The following MTA3 variants were observed in gnomAD, a reference collection of about 807,000 sequenced individuals.
MTA3 encodes the protein metastasis-associated protein MTA3.
A neutral mutation model predicts 83.5 loss-of-function variants in MTA3; 34 were observed. The observed-to-expected ratio is 0.41, with a 90% CI of 0.31 to 0.54. The LOEUF (loss-of-function observed/expected upper bound fraction) is 0.54. MTA3 is among the 20% of genes least tolerant of loss of function. The pLI, the probability that MTA3 is intolerant of heterozygous loss-of-function variation, is 0.33. For missense variants in MTA3, 761 were observed against 726.4 expected, an observed-to-expected ratio of 1.05 and a Z score of -0.55; for synonymous variants, 303 against 252.7, an observed-to-expected ratio of 1.20 and a Z score of -1.89.
At chr2:42,497,994 T>C (rs1674222678) in intron 2 of MTA3, among the ~76,000 whole-genome samples, 1 of 152,226 alleles carries the variant, frequency 6.6e-6, no homozygotes, top group Non-Finnish European at 1.5e-5. Context: ...GACTCTGGCT[T>C]GAACACAGAT....
At chr2:42,738,782 C>G (rs779317139) in intron 16 of MTA3, among the ~76,000 whole-genome samples, 1 of 152,172 alleles carries the variant, frequency 6.6e-6, no homozygotes, top group Non-Finnish European at 1.5e-5. Flanking sequence ...AGGGGTAGCT[C>G]TCTGAACTGG....
chr2:42,614,948 G>T (rs1448322333), intron 4 of MTA3, among the ~76,000 whole-genome samples: 1 of 149,556 alleles, frequency 6.7e-6, no homozygotes, highest in African/African-American at 2.5e-5. Context: ...CTGTACTTTA[G>T]CCTGGGTGAC....
intron 2 of MTA3, among the ~76,000 whole-genome samples, chr2:42,501,051 C>T (rs1188337093): frequency 1.3e-5 from 2 of 152,092 alleles, no homozygotes; most frequent in Non-Finnish European, 2.9e-5. Context: ...ACCTCATGAC[C>T]TGCCCACCTC....
intron 8 of MTA3, among the ~76,000 whole-genome samples, chr2:42,674,683 A>G (rs10187451): frequency 6.8e-6 from 1 of 147,640 alleles, no homozygotes. Flanking sequence ...ACTGCAACTG[A>G]CACTTCCTGA....
chr2:42,611,341 C>CACACACACCCA (rs1462110821), intron 4 of MTA3, among the ~76,000 whole-genome samples: 1 of 149,514 alleles, frequency 6.7e-6, no homozygotes, highest in Non-Finnish European at 1.5e-5. Context: ...ACACACACAC[C>CACACACACCCA]CCCTCACACA....
intron 14 of MTA3, among the ~76,000 whole-genome samples, chr2:42,717,629 G>C (rs576745243): frequency 7.9e-5 from 12 of 152,288 alleles, no homozygotes; most frequent in African/African-American, 2.6e-4. Context: ...TTACTGTTCT[G>C]ACTGTTGGAT....
intron 3 of MTA3, among the ~76,000 whole-genome samples, chr2:42,584,900 T>A (rs1374599293): frequency 6.6e-6 from 1 of 151,588 alleles, no homozygotes; most frequent in Non-Finnish European, 1.5e-5. Context: ...AAAAATGGAT[T>A]AAGAGACCTA....
intron 16 of MTA3, among the ~76,000 whole-genome samples, chr2:42,748,380 A>T (rs1573847862): frequency 6.6e-6 from 1 of 152,200 alleles, no homozygotes; most frequent in Non-Finnish European, 1.5e-5. Context: ...CTAGAATTAT[A>T]TATAAATGGA....
At chr2:42,535,733 A>G (rs902345675) in intron 2 of MTA3, among the ~76,000 whole-genome samples, 9 of 130,026 alleles carry the variant, frequency 6.9e-5, no homozygotes, top group African/African-American at 1.8e-4. Context: ...TAAGCAACAC[A>G]TGCATAATAA....
chr2:42,596,245 T>C (rs1681776514), intron 3 of MTA3, among the ~76,000 whole-genome samples: 1 of 152,240 alleles, frequency 6.6e-6, no homozygotes, highest in Non-Finnish European at 1.5e-5. Flanking sequence ...GTCAGCCTGC[T>C]ACTCTCCTTT....
chr2:42,611,520 T>G (rs957680804), intron 4 of MTA3, among the ~76,000 whole-genome samples: 1 of 152,218 alleles, frequency 6.6e-6, no homozygotes. Context: ...CATGTCATTG[T>G]TTTTATTTGG....
rs1558409455 is a variant in MTA3, at chr2:42,518,180, CAAAAAAAAAG to C, written c.-141+22931_-141+22940del. 2.0e-5 allele frequency among the ~76,000 whole-genome samples: 3 copies of C among 149,278 alleles called. No homozygotes were observed. The South Asian group carries it at 6.4e-4, about 32-fold the overall frequency. ...TGGGTGACAGAGTGAAACTCGGTCT[CAAAAAAAAAG>C]AAAATAAAAGAAAATACAGTTGAGT... On this transcript the variant is annotated intron_variant, in intron 2 of 17. Transcript: ENST00000405592.
Position 42,754,078 on chromosome 2 carries a change from G to T in MTA3, c.*679G>T. On this transcript the variant is annotated 3_prime_UTR_variant, in exon 17 of 17. Transcript: ENST00000405094. Reference sequence around the variant, plus strand: ...AGATAAGCCTGTAAACTCATCATCTGTGTTTTGTGGTTGGAGAGAAACTGG... The same window carrying T: ...AGATAAGCCTGTAAACTCATCATCTTTGTTTTGTGGTTGGAGAGAAACTGG... The T allele has an allele frequency of 2.0e-6, 2 of 985,464 alleles. No homozygotes were observed. Among genetic ancestry groups the T allele is most frequent in the African/African-American group, 1.7e-5 (1 of 57,360 alleles). 61.0% of individuals were successfully genotyped at this position (985,464 alleles called of 1,614,324 possible).
At chr2:42,520,888 C>G (rs1198772386) in intron 2 of MTA3, among the ~76,000 whole-genome samples, 1 of 152,186 alleles carries the variant, frequency 6.6e-6, no homozygotes, top group African/African-American at 2.4e-5. Flanking sequence ...CACCTAGCCT[C>G]TCCACCCCAG....
At chr2:42,622,364 C>G (rs984792460) in intron 4 of MTA3, among the ~76,000 whole-genome samples, 1 of 139,034 alleles carries the variant, frequency 7.2e-6, no homozygotes. Flanking sequence ...CAGTACCGTC[C>G]AGCTTCGGCT....
chr2:42,718,754 C>G (rs1667208389), intron 14 of MTA3, among the ~76,000 whole-genome samples: 1 of 152,070 alleles, frequency 6.6e-6, no homozygotes, highest in South Asian at 2.1e-4. Context: ...CAGAGTGAGC[C>G]TCCGTCTCAA....
intron 2 of MTA3, among the ~76,000 whole-genome samples, chr2:42,523,943 A>T (rs994734663): frequency 2.0e-5 from 3 of 152,104 alleles, no homozygotes; most frequent in Admixed American, 6.6e-5. Context: ...ATAAATAAAT[A>T]AAAAAGGCAA....
intron 3 of MTA3, among the ~76,000 whole-genome samples, chr2:42,598,452 C>G (rs151117451): frequency 6.6e-6 from 1 of 152,230 alleles, no homozygotes; most frequent in African/African-American, 2.4e-5. Context: ...ATTTAGCATT[C>G]CAAATCACGG....
At chr2:42,552,172 C>T (rs1285623941) in intron 2 of MTA3, among the ~76,000 whole-genome samples, 1 of 152,070 alleles carries the variant, frequency 6.6e-6, no homozygotes, top group Admixed American at 6.6e-5. Context: ...TGGGGTGAAG[C>T]AGAATTGCAA....
Sources: allele counts gnomAD v4.1 joint callset (sites outside exome capture counted in the v4.1 genomes callset), GRCh38; gene constraint gnomAD v4.1.1; transcripts MANE v1.5; gene names NCBI Gene and HGNC (gene_info 2026-07-23, HGNC 2026-07-21).